The following SDCBP variants were observed in gnomAD, a reference collection of about 807,000 sequenced individuals.
The protein encoded by SDCBP is syntenin-1.
In SDCBP, 22 loss-of-function variants were observed where a neutral mutation model predicts 30.5. The ratio of observed to expected loss-of-function variants is 0.72; its 90% confidence interval spans 0.52 to 1.03. The LOEUF (loss-of-function observed/expected upper bound fraction) is 1.03, where lower values mean the gene tolerates loss of function less well. Ranked by LOEUF, SDCBP falls within the 50% of genes least tolerant of loss-of-function variation. The pLI, the probability that SDCBP is intolerant of heterozygous loss-of-function variation, is 0.00. For synonymous variants in SDCBP, 103 were observed against 118.7 expected (o/e 0.87, Z 0.86); for missense variants, 304 against 369.9 (o/e 0.82, Z 1.46).
At chr8:58,561,060 C>T (rs1804414634) in intron 1 of SDCBP, 1 of 152,126 alleles carries the variant, frequency 6.6e-6, no homozygotes, top group African/African-American at 2.4e-5. Flanking sequence ...AACATTGTAA[C>T]AGATGCAATA....
intron 4 of SDCBP, among the ~76,000 whole-genome samples, chr8:58,573,264 C>G (rs1383058763): frequency 1.3e-5 from 2 of 152,110 alleles, no homozygotes; most frequent in Non-Finnish European, 2.9e-5. Context: ...GTAGTTAAAT[C>G]TGTGTCTGTC....
intron 2 of SDCBP, chr8:58,570,681 T>C (rs1169327187): frequency 2.7e-5 from 13 of 478,082 alleles, no homozygotes; most frequent in Non-Finnish European, 4.1e-5. Context: ...GTGATAGCCT[T>C]AAAAGTATTT....
Position 58,582,818 on chromosome 8 carries a change from C to CTAAT in SDCBP, c.*1082_*1085dup, listed in dbSNP as rs1374497858. On this transcript the variant is annotated 3_prime_UTR_variant, in exon 9 of 9. Coordinates refer to ENST00000260130, the MANE Select transcript of SDCBP (RefSeq NM_005625.4). ...TTCTTCTTTTTGGTTTATGTCTATT[C>CTAAT]TAATTAAATATGTATAAATAAAGTT... 8 of 152,478 alleles carry CTAAT rather than the reference C, an allele frequency of 5.2e-5. No homozygotes were observed. The East Asian group carries it at 1.5e-3, about 29-fold the overall frequency. The allele number at this position is 152,478 out of a possible 1,614,324, so 9.4% of individuals were successfully genotyped here. A position where few individuals can be genotyped will look rare whatever the true frequency, so the allele number is the denominator to read the frequency against.
chr8:58,566,642 G>T (rs1444365165), intron 2 of SDCBP, among the ~76,000 whole-genome samples: 1 of 152,060 alleles, frequency 6.6e-6, no homozygotes, highest in Non-Finnish European at 1.5e-5. Flanking sequence ...TCCTAATTTA[G>T]CCATTAAACT....
intron 2 of SDCBP, among the ~76,000 whole-genome samples, chr8:58,567,279 T>C (rs1019026202): frequency 1.3e-5 from 2 of 152,252 alleles, no homozygotes; most frequent in African/African-American, 4.8e-5. Context: ...GAGCTTTCTA[T>C]ATGTATTCTT....
chr8:58,567,709 A>G (rs1804778158), intron 2 of SDCBP, among the ~76,000 whole-genome samples: 1 of 152,212 alleles, frequency 6.6e-6, no homozygotes, highest in South Asian at 2.1e-4. Flanking sequence ...TAGATGGCAT[A>G]GCCTACTACA....
At position 58,572,905 on chromosome 8, in the gene SDCBP, C is replaced by A. The variant is rs540894018; in HGVS notation, c.240+591C>A. The stretch of plus-strand genomic sequence containing the variant: ...CACTGCAACCTCCGCCTCTTGGGTT[C>A]AAGCAATTCTCCTGCCTCAGCCTCC... On this transcript the variant is annotated intron_variant, in intron 4 of 8. Transcript: ENST00000260130. Among the ~76,000 whole-genome samples the A allele has an allele frequency of 1.3e-3, 178 of 141,978 alleles. No homozygotes were observed. In the Middle Eastern group the frequency reaches 0.016, roughly 13 times the overall value. 93.1% of individuals were successfully genotyped at this position (141,978 alleles called of 152,430 possible).
chr8:58,572,777 A>G (rs547863555), intron 4 of SDCBP, among the ~76,000 whole-genome samples: 172 of 141,810 alleles, frequency 1.2e-3, no homozygotes, highest in African/African-American at 4.4e-3. Context: ...ATATAGGTCT[A>G]TCATATCTTT....
intron 2 of SDCBP, among the ~76,000 whole-genome samples, chr8:58,565,957 A>G (rs1389298362): frequency 2.0e-5 from 3 of 152,116 alleles, no homozygotes; most frequent in East Asian, 1.9e-4. Context: ...GAGATATTCA[A>G]TTTACTTACT....
chr8:58,562,308 G>A (rs955053496), intron 1 of SDCBP, among the ~76,000 whole-genome samples: 13 of 151,868 alleles, frequency 8.6e-5, no homozygotes, highest in Non-Finnish European at 1.9e-4. Flanking sequence ...TCAGATTTAA[G>A]GATACTTTTT....
chr8:58,572,206 T>G lies in SDCBP; in HGVS notation c.132T>G (p.Asn44Lys), dbSNP rs1468744917. 6 of 1,577,794 alleles carry G rather than the reference T, an allele frequency of 3.8e-6. No homozygotes were observed. The East Asian group carries it at 6.7e-5, about 18-fold the overall frequency. ...EASAPIPHDGNLYPRLYPELS... is the reference protein window; with the variant it reads ...EASAPIPHDGKLYPRLYPELS... ...TTAATTTATTCATTTACTTTTTAGA[T>G]CTCTATCCCAGACTGTATCCAGAGC... The change falls in exon 4 of 9, where the codon AAT (asparagine) becomes AAG (lysine). Residue 44 changes from asparagine to lysine, a missense_variant and splice_region_variant. Transcript: ENST00000260130.
chr8:58,555,669 A>T (rs1324627998), intron 1 of SDCBP, among the ~76,000 whole-genome samples: 1 of 152,084 alleles, frequency 6.6e-6, no homozygotes, highest in Non-Finnish European at 1.5e-5. Context: ...GATATATTAA[A>T]TTGTGTTTCT....
chr8:58,578,235 G>A, intron 6 of SDCBP, 27 bp downstream of exon 6: 1 of 1,457,172 alleles, frequency 6.9e-7, no homozygotes. Flanking sequence ...CAGCTCAAAT[G>A]AAAATTCAAT....
intron 1 of SDCBP, among the ~76,000 whole-genome samples, chr8:58,559,086 A>T (rs916041748): frequency 6.6e-6 from 1 of 152,202 alleles, no homozygotes; most frequent in Non-Finnish European, 1.5e-5. Context: ...TTTAAAAAAA[A>T]TTTTGAAAGT....
In SDCBP at chr8:58,572,277, C is replaced by A. The variant is rs369499089; in HGVS notation, c.203C>A (p.Ala68Glu). Residue 68 changes from alanine (A) to glutamate (E), a missense_variant, in exon 4 of 9, where the codon GCA becomes GAA. Ala to Glu is a moderately radical substitution (Grantham distance 107, BLOSUM62 -1). Transcript: ENST00000260130. ...AGTTTAAATGAAGAAGAAATACGTGCAAATGTGGCCGTGGTTTCTGGTGCA... is the reference window on the plus strand; with the variant it reads ...AGTTTAAATGAAGAAGAAATACGTGAAAATGTGGCCGTGGTTTCTGGTGCA... ...GLSLNEEEIR[A>E]NVAVVSGAPL... The A allele has an allele frequency of 1.9e-6, 3 of 1,612,300 alleles. No homozygotes were observed. In the African/African-American group the frequency reaches 4.0e-5, roughly 22 times the overall value.
chr8:58,572,641 A>G lies in SDCBP; in HGVS notation c.240+327A>G, dbSNP rs149783635. On this transcript the variant is annotated intron_variant, in intron 4 of 8. Transcript: ENST00000260130. ...TCTGTTTTTTATCCATTCTAGTCCT[A>G]CTATAACCATATTCAGGGTTTCTAT... Among the ~76,000 whole-genome samples the G allele has an allele frequency of 5.3e-5, 8 of 152,126 alleles. No homozygotes were observed. The East Asian group carries it at 1.2e-3, about 22-fold the overall frequency.
intron 1 of SDCBP, among the ~76,000 whole-genome samples, chr8:58,553,764 T>A (rs1156960248): frequency 6.6e-6 from 1 of 152,264 alleles, no homozygotes; most frequent in African/African-American, 2.4e-5. Context: ...CTGTGCTTAA[T>A]CGCCCTTCTT....
At position 58,578,130 on chromosome 8, in the gene SDCBP, C is replaced by T. The variant is rs766665963; in HGVS notation, c.500C>T (p.Ala167Val). ...CTTCAGATCAATGGTGAAAACTGTG[C>T]AGGATGGAGCTCTGATAAAGCGCAC... ...QVLQINGENC[A>V]GWSSDKAHKV... Residue 167 changes from alanine (A) to valine (V), a missense_variant, in exon 6 of 9, where the codon GCA (alanine) becomes GTA (valine). Ala to Val is a moderately conservative substitution (Grantham distance 64, BLOSUM62 0). Transcript: ENST00000260130. 6.2e-7 allele frequency: 1 copy of T among 1,612,506 alleles called. No homozygotes were observed. The highest frequency in any genetic ancestry group is 8.5e-7 in the Non-Finnish European group (1 of 1,179,446).
intron 2 of SDCBP, among the ~76,000 whole-genome samples, chr8:58,567,905 A>G (rs1804788228): frequency 6.6e-6 from 1 of 152,184 alleles, no homozygotes; most frequent in South Asian, 2.1e-4. Flanking sequence ...TTAAAATGGT[A>G]CATCTGTATA....
Sources: gnomAD v4.1 joint callset for allele counts (sites outside exome capture counted in the v4.1 genomes callset) on GRCh38, gnomAD v4.1.1 for gene constraint, MANE v1.5 for transcripts, NCBI Gene and HGNC (gene_info 2026-07-23, HGNC 2026-07-21) for gene names.